Variants in ABLIM2 observed in about 807,000 individuals in gnomAD.
The protein encoded by ABLIM2 is actin binding LIM protein family member 2, also known as actin-binding LIM protein 2.
ABLIM2 carries 53 observed loss-of-function variants against 97.7 expected under a neutral mutation model. The observed-to-expected ratio is 0.54, with a 90% CI of 0.44 to 0.68. ABLIM2 has a LOEUF of 0.68. Among genes scored for constraint, ABLIM2 ranks in the 30% least tolerant of loss-of-function variants. The pLI is 0.00. For synonymous variants in ABLIM2, 361 were observed against 345.8 expected (o/e 1.04, Z -0.49); for missense variants, 835 against 867.2 (o/e 0.96, Z 0.47).
In ABLIM2 at chr4:8,014,523, G is replaced by A. The variant is rs187756786; in HGVS notation, c.1423+5095C>T. 2.6e-5 allele frequency among the ~76,000 whole-genome samples: 4 copies of A among 152,292 alleles called. No individual in the cohort carries two copies. The East Asian group carries it at 5.8e-4, about 22-fold the overall frequency. On this transcript the variant is annotated intron_variant, in intron 14 of 20. Transcript: ENST00000447017. ...GTATGTGAGTGAGTATGTGGGCAGG[G>A]CCCACAGCATGGGCGTTGGAAACTA...
chr4:8,098,547 A>C (rs1561395875), intron 2 of ABLIM2, among the ~76,000 whole-genome samples: 1 of 152,176 alleles, frequency 6.6e-6, no homozygotes. Context: ...GAACGCCTAC[A>C]TTCCAGGGTT....
chr4:8,104,799 T>A (rs1310243603), intron 2 of ABLIM2, among the ~76,000 whole-genome samples: 1 of 152,190 alleles, frequency 6.6e-6, no homozygotes, highest in East Asian at 1.9e-4. Flanking sequence ...GGTCCCCTTT[T>A]AGCAGCAGAA....
chr4:7,983,426 A>C, intron 19 of ABLIM2, 82 bp from the exon 20 acceptor site: 1 of 1,578,958 alleles, frequency 6.3e-7, no homozygotes, highest in Non-Finnish European at 8.6e-7. Flanking sequence ...GGTCACCGAG[A>C]ATACATACTT....
chr4:8,118,700 G>A (rs1027917702), intron 1 of ABLIM2, among the ~76,000 whole-genome samples: 2 of 152,158 alleles, frequency 1.3e-5, no homozygotes, highest in South Asian at 2.1e-4. Flanking sequence ...AGTTGTCCTC[G>A]ATAGTCCTGG....
At chr4:8,037,304 ACG>A (rs1387106577) in intron 9 of ABLIM2, among the ~76,000 whole-genome samples, 2 of 150,996 alleles carry the variant, frequency 1.3e-5, no homozygotes, top group Middle Eastern at 3.2e-3. Context: ...GCACACACAC[ACG>A]CACATGCATG....
chr4:8,037,907 C>T (rs754544929), intron 9 of ABLIM2, among the ~76,000 whole-genome samples: 4 of 152,212 alleles, frequency 2.6e-5, no homozygotes, highest in African/African-American at 9.6e-5. Context: ...TGTGTGCTGC[C>T]CTCTGCTCTG....
intron 9 of ABLIM2, among the ~76,000 whole-genome samples, chr4:8,037,301 C>T (rs926258816): frequency 4.0e-5 from 6 of 151,860 alleles, no homozygotes; most frequent in Admixed American, 6.5e-5. Context: ...CATGCACACA[C>T]ACACGCACAT....
chr4:8,133,914 G>A (rs1230561739), intron 1 of ABLIM2, among the ~76,000 whole-genome samples: 2 of 152,156 alleles, frequency 1.3e-5, no homozygotes, highest in African/African-American at 2.4e-5. Flanking sequence ...CATGGGGGGA[G>A]CACCTGTCAG....
chr4:8,064,815 T>C (rs1395785310), intron 6 of ABLIM2, among the ~76,000 whole-genome samples: 1 of 152,218 alleles, frequency 6.6e-6, no homozygotes, highest in Non-Finnish European at 1.5e-5. Context: ...GACTCGGTAC[T>C]GGTTCCATGG....
chr4:8,053,542 C>A (rs375614305), intron 8 of ABLIM2, among the ~76,000 whole-genome samples: 18 of 152,144 alleles, frequency 1.2e-4, no homozygotes, highest in Non-Finnish European at 2.6e-4. Flanking sequence ...ACTGTTTGGG[C>A]CCCCTAACAC....
chr4:8,031,835 C>T (rs375602219), intron 10 of ABLIM2, among the ~76,000 whole-genome samples: 3 of 151,888 alleles, frequency 2.0e-5, no homozygotes, highest in Non-Finnish European at 4.4e-5. Context: ...AGCGATTCTC[C>T]TGCCTCAGCT....
At chr4:8,141,017 C>T (rs1401917099) in intron 1 of ABLIM2, among the ~76,000 whole-genome samples, 2 of 152,110 alleles carry the variant, frequency 1.3e-5, no homozygotes, top group Non-Finnish European at 2.9e-5. Flanking sequence ...GGACCCTGCC[C>T]CTGTCTCCAG....
intron 2 of ABLIM2, among the ~76,000 whole-genome samples, chr4:8,099,537 C>T (rs1833430250): frequency 6.6e-6 from 1 of 152,064 alleles, no homozygotes; most frequent in African/African-American, 2.4e-5. Context: ...CCAAGGTCAC[C>T]ACAAGGTGGT....
Position 8,128,710 on chromosome 4 carries a change from A to C in ABLIM2, c.11-22073T>G, listed in dbSNP as rs1848882629. Reference sequence around the variant, plus strand: ...CCCCAGACTCACATGCTGATATCCTAAACCCCAGTGTGACAGGATTTGGAG... The same window carrying C: ...CCCCAGACTCACATGCTGATATCCTCAACCCCAGTGTGACAGGATTTGGAG... On this transcript the variant is annotated intron_variant, in intron 1 of 20. Coordinates refer to ENST00000447017, the MANE Select transcript of ABLIM2 (RefSeq NM_001130083.2). This position sits in a 1 kb window ranked among gnomAD's most constrained non-coding sequence, Gnocchi z 4.9. 6.6e-6 allele frequency among the ~76,000 whole-genome samples: 1 copy of C among 152,182 alleles called. No individual in the cohort carries two copies. The highest frequency in any genetic ancestry group is 1.5e-5 in the Non-Finnish European group (1 of 68,034).
Position 8,125,732 on chromosome 4 carries a change from C to T in ABLIM2, c.11-19095G>A, listed in dbSNP as rs1285101638. Among the ~76,000 whole-genome samples the T allele has an allele frequency of 2.0e-5, 3 of 152,214 alleles. No homozygotes were observed. The highest frequency in any genetic ancestry group is 2.1e-4 in the South Asian group (1 of 4,834). ...CAGACTCAGCTGAGCTGGAGAGGCCCGCCCAGCCTCTGCCATGGAAACTCC... is the reference window on the plus strand; with the variant it reads ...CAGACTCAGCTGAGCTGGAGAGGCCTGCCCAGCCTCTGCCATGGAAACTCC... On this transcript the variant is annotated intron_variant, in intron 1 of 20. Transcript: ENST00000447017. This position sits in a 1 kb window ranked among gnomAD's most constrained non-coding sequence, Gnocchi z 6.2.
chr4:8,019,485 G>T lies in ABLIM2; in HGVS notation c.1423+133C>A. 1.3e-6 allele frequency: 1 copy of T among 776,870 alleles called. No homozygotes were observed. The highest frequency in any genetic ancestry group is 2.0e-6 in the Non-Finnish European group (1 of 497,146). 48.1% of individuals were successfully genotyped at this position (776,870 alleles called of 1,614,324 possible). On this transcript the variant is annotated intron_variant, in intron 14 of 20. Coordinates refer to ENST00000447017, the MANE Select transcript of ABLIM2 (RefSeq NM_001130083.2). The surrounding 1 kb of genome is among the most constrained non-coding windows in gnomAD (Gnocchi z 4.3). ...GCTGCTAGTGAATTTGCATTTAATA[G>T]TCAGACTGCTAAGGGCCTTGGTGGT...
Position 7,966,877 on chromosome 4 carries a change from C to CCCCCTGGGA in ABLIM2, c.*112_*113insTCCCAGGGG. The CCCCCTGGGA allele has an allele frequency of 3.0e-6, 1 of 338,848 alleles. No individual in the cohort carries two copies. The highest frequency in any genetic ancestry group is 5.7e-6 in the Non-Finnish European group (1 of 174,130). The allele number at this position is 338,848 out of a possible 1,614,324, so 21.0% of individuals were successfully genotyped here. ...TGCTGGGGGACCCCCTCCCGCCCAC[C>CCCCCTGGGA]CCATGGACACAGAGAAGCCAGAGCA... On this transcript the variant is annotated 3_prime_UTR_variant, in exon 21 of 21. Transcript: ENST00000447017.
intron 14 of ABLIM2, among the ~76,000 whole-genome samples, chr4:8,017,553 G>A (rs4696730): frequency 0.18 from 27,667 of 151,980 alleles, 2,947 homozygotes; most frequent in East Asian, 0.27. Context: ...TTCCCAAAGC[G>A]CTAGGATTAC....
chr4:8,012,708 C>A (rs1765878372), intron 14 of ABLIM2, among the ~76,000 whole-genome samples: 1 of 151,796 alleles, frequency 6.6e-6, no homozygotes, highest in Non-Finnish European at 1.5e-5. Context: ...TTTATTCATC[C>A]AGCTTCCACT....
Sources: gnomAD v4.1 joint callset for allele counts (sites outside exome capture counted in the v4.1 genomes callset) on GRCh38, gnomAD v4.1.1 for gene constraint, Gnocchi (gnomAD v3.1) non-coding constraint, MANE v1.5 for transcripts, NCBI Gene and HGNC (gene_info 2026-07-23, HGNC 2026-07-21) for gene names.